Variants in AKAP12 observed in about 807,000 individuals in gnomAD.
AKAP12 encodes A-kinase anchor protein 12.
AKAP12 carries 32 observed loss-of-function variants against 79.9 expected under a neutral mutation model. The ratio of observed to expected loss-of-function variants is 0.40; its 90% CI spans 0.30 to 0.54. The LOEUF (loss-of-function observed/expected upper bound fraction) is 0.54, where lower values mean the gene tolerates loss of function less well. Ranked by LOEUF, AKAP12 falls within the 20% of genes least tolerant of loss-of-function variation. AKAP12 has a pLI of 0.48. For synonymous variants in AKAP12, 808 were observed against 857.0 expected (o/e 0.94, Z 1.00); for missense variants, 2,074 against 2,177.0 (o/e 0.95, Z 0.94).
intron 2 of AKAP12, among the ~76,000 whole-genome samples, chr6:151,280,842 T>C (rs571065613): frequency 1.3e-5 from 2 of 152,196 alleles, no homozygotes; most frequent in South Asian, 2.1e-4. Context: ...TTAGATACTT[T>C]ACGGAATACT....
intron 2 of AKAP12, among the ~76,000 whole-genome samples, chr6:151,274,068 C>T (rs1776244199): frequency 6.6e-6 from 1 of 151,258 alleles, no homozygotes; most frequent in African/African-American, 2.4e-5. Flanking sequence ...AAATGGTTTC[C>T]CTCAGTTCTT....
chr6:151,284,001 G>A (rs976917591), intron 2 of AKAP12, among the ~76,000 whole-genome samples: 1 of 152,140 alleles, frequency 6.6e-6, no homozygotes, highest in African/African-American at 2.4e-5. Context: ...CTGGTTTGGG[G>A]GTTTTTAGGG....
intron 2 of AKAP12, among the ~76,000 whole-genome samples, chr6:151,271,561 A>G (rs372865257): frequency 2.0e-5 from 3 of 152,122 alleles, no homozygotes; most frequent in African/African-American, 4.8e-5. Flanking sequence ...AGGTCAAGCA[A>G]TCCGCCCACC....
intron 3 of AKAP12, among the ~76,000 whole-genome samples, chr6:151,310,402 A>C (rs759537562): frequency 3.9e-5 from 6 of 151,968 alleles, no homozygotes; most frequent in Non-Finnish European, 8.8e-5. Context: ...CCCAAACAGG[A>C]ATGATTTTTA....
At chr6:151,282,039 G>A (rs988476562) in intron 2 of AKAP12, among the ~76,000 whole-genome samples, 1 of 151,698 alleles carries the variant, frequency 6.6e-6, no homozygotes, top group African/African-American at 2.4e-5. Flanking sequence ...GCAGGAGCGG[G>A]CTGTCCTCTT....
chr6:151,333,990 C>T (rs558096237), intron 3 of AKAP12, among the ~76,000 whole-genome samples: 39 of 152,084 alleles, frequency 2.6e-4, no homozygotes, highest in African/African-American at 9.4e-4. Flanking sequence ...CTGCATCTGG[C>T]CAGGCTCTGT....
chr6:151,325,287 A>G, intron 3 of AKAP12: 1 of 985,466 alleles, frequency 1.0e-6, no homozygotes, highest in Non-Finnish European at 1.2e-6. Flanking sequence ...AGTCTTTAAA[A>G]TGGAGGGAGA....
intron 2 of AKAP12, among the ~76,000 whole-genome samples, chr6:151,259,842 G>T (rs1039732313): frequency 6.6e-6 from 1 of 151,390 alleles, no homozygotes; most frequent in Non-Finnish European, 1.5e-5. Flanking sequence ...CTCCCAAAGC[G>T]CCGGGATTAC....
At chr6:151,314,267 A>G (rs1178828813) in intron 3 of AKAP12, among the ~76,000 whole-genome samples, 4 of 152,130 alleles carry the variant, frequency 2.6e-5, no homozygotes, top group African/African-American at 9.7e-5. Flanking sequence ...ACCTCAAGTC[A>G]TCCACCCACT....
intron 2 of AKAP12, among the ~76,000 whole-genome samples, chr6:151,285,012 G>A (rs1776472914): frequency 6.6e-6 from 1 of 152,216 alleles, no homozygotes; most frequent in Non-Finnish European, 1.5e-5. Context: ...TGCAGTATGA[G>A]CATGTGGTGG....
chr6:151,286,966 T>A (rs1430608582), intron 2 of AKAP12, among the ~76,000 whole-genome samples: 1 of 150,532 alleles, frequency 6.6e-6, no homozygotes, highest in Admixed American at 6.6e-5. Context: ...TGAGACGGAG[T>A]CTCGCTCTGT....
intron 2 of AKAP12, among the ~76,000 whole-genome samples, chr6:151,302,552 C>T (rs1051449517): frequency 2.0e-5 from 3 of 151,750 alleles, no homozygotes; most frequent in Non-Finnish European, 3.0e-5. Context: ...CTAAAGATAC[C>T]TTGGATTGGG....
rs149298067 is a variant in AKAP12, at chr6:151,354,046, C to T, written c.*12+294C>T. The stretch of plus-strand genomic sequence containing the variant: ...TGTGTGCACATGTGCGTGTTTGACC[C>T]AAAGGCATAAGAAATACATTGTGTT... On this transcript the variant is annotated intron_variant, in intron 4 of 4. Coordinates refer to ENST00000402676, the MANE Select transcript of AKAP12 (RefSeq NM_005100.4). Among the ~76,000 whole-genome samples the T allele has an allele frequency of 3.8e-4, 57 of 151,870 alleles. No individual in the cohort carries two copies. The South Asian group carries it at 7.1e-3, about 19-fold the overall frequency.
chr6:151,343,915 A>C, intron 3 of AKAP12: 1 of 438,826 alleles, frequency 2.3e-6, no homozygotes, highest in South Asian at 1.7e-5. Context: ...GCATTTTCTT[A>C]TTTCAGAATA....
At chr6:151,311,204 A>G (rs1013950454) in intron 3 of AKAP12, among the ~76,000 whole-genome samples, 1 of 152,208 alleles carries the variant, frequency 6.6e-6, no homozygotes, top group African/African-American at 2.4e-5. Flanking sequence ...TCTTGGCTTC[A>G]AGCTTCCTTC....
At chr6:151,343,960 A>C (rs557511403) in intron 3 of AKAP12, 6 of 454,586 alleles carry the variant, frequency 1.3e-5, no homozygotes, top group Admixed American at 6.2e-5. Flanking sequence ...GGAAGAGTGT[A>C]TATATCTAAA....
chr6:151,295,234 T>A (rs914413339), intron 2 of AKAP12, among the ~76,000 whole-genome samples: 1 of 152,208 alleles, frequency 6.6e-6, no homozygotes, highest in South Asian at 2.1e-4. Context: ...GATACATTAT[T>A]TTCTAATAAG....
chr6:151,285,384 C>CCGTG (rs372871929), intron 2 of AKAP12, among the ~76,000 whole-genome samples: 121 of 136,550 alleles, frequency 8.9e-4, no homozygotes, highest in African/African-American at 3.2e-3. Context: ...CTGCATTTCA[C>CCGTG]TGTGTGTGTG....
At chr6:151,282,169 C>T (rs533798361) in intron 2 of AKAP12, among the ~76,000 whole-genome samples, 12 of 152,024 alleles carry the variant, frequency 7.9e-5, no homozygotes, top group African/African-American at 1.7e-4. Context: ...CTGCACCCTC[C>T]GCCTCCCAGG....
Sources: allele counts gnomAD v4.1 joint callset (sites outside exome capture counted in the v4.1 genomes callset), GRCh38; gene constraint gnomAD v4.1.1; transcripts MANE v1.5; gene names NCBI Gene and HGNC (gene_info 2026-07-23, HGNC 2026-07-21).